Variants in RABGGTB observed in about 807,000 individuals in gnomAD.
The protein encoded by RABGGTB is geranylgeranyl transferase type-2 subunit beta.
RABGGTB carries 20 observed loss-of-function variants against 44.5 expected under a neutral mutation model. The ratio of observed to expected loss-of-function variants is 0.45; its 90% CI spans 0.32 to 0.65. The LOEUF (loss-of-function observed/expected upper bound fraction) is 0.65, where lower values mean the gene tolerates loss of function less well. Among genes scored for constraint, RABGGTB ranks in the 30% least tolerant of loss-of-function variants. The pLI is 0.05. For synonymous variants in RABGGTB, 128 were observed against 136.7 expected, an observed-to-expected ratio of 0.94 and a Z score of 0.44; for missense variants, 302 against 398.7, an observed-to-expected ratio of 0.76 and a Z score of 2.06.
intron 7 of RABGGTB, among the ~76,000 whole-genome samples, chr1:75,793,142 A>T (rs1484433547): frequency 6.6e-6 from 1 of 150,932 alleles, no homozygotes; most frequent in Non-Finnish European, 1.5e-5. Context: ...TTATAAATGT[A>T]AAAACTATTC....
chr1:75,791,287 GA>G lies in RABGGTB; in HGVS notation c.421del (p.Ile141LeufsTer35). ...GATTTGATCTATTTTTATTGTAGGA[GA>G]AATTGACACAAGATTCTCTTTTTGT... ...DGSFAGDIWG[E>X]IDTRFSFCAV... On this transcript the variant is annotated frameshift_variant, in exon 5 of 9. Transcript: ENST00000319942. LOFTEE classifies it high-confidence loss of function. The G allele has an allele frequency of 6.2e-7, 1 of 1,608,548 alleles. No individual in the cohort carries two copies. The highest frequency in any genetic ancestry group is 8.5e-7 in the Non-Finnish European group (1 of 1,174,992).
At chr1:75,787,458 G>C in intron 1 of RABGGTB, 39 bp from the exon 2 acceptor site, 2 of 1,434,212 alleles carry the variant, frequency 1.4e-6, no homozygotes, top group South Asian at 2.3e-5. Flanking sequence ...GAACGTTGTA[G>C]AGGTAAACAT....
At chr1:75,786,641 G>A (rs1649495945) in intron 1 of RABGGTB, 1 of 290,374 alleles carries the variant, frequency 3.4e-6, no homozygotes, top group African/African-American at 2.2e-5. Context: ...GATTTTTAAT[G>A]GGATCAGAAG....
intron 1 of RABGGTB, chr1:75,787,192 T>C (rs368886953): frequency 5.0e-6 from 3 of 605,266 alleles, no homozygotes; most frequent in Non-Finnish European, 9.3e-6. Context: ...CTGAATGATT[T>C]AAGTTCTTTT....
chr1:75,792,422 T>C (rs1438959270), intron 7 of RABGGTB, 116 bp downstream of exon 7: 2 of 1,405,926 alleles, frequency 1.4e-6, no homozygotes, highest in Non-Finnish European at 1.9e-6. Flanking sequence ...TACCTTTCCC[T>C]GTTGTGAATT....
rs1291622575 is a variant in RABGGTB at position 75,789,001 on chromosome 1, T to C, written c.112-158T>C. 73 of 622,064 alleles carry C rather than the reference T, an allele frequency of 1.2e-4. No homozygotes were observed. In the South Asian group the frequency reaches 1.5e-3, roughly 13 times the overall value. 38.5% of individuals were successfully genotyped at this position (622,064 alleles called of 1,614,324 possible). A position where few individuals can be genotyped will look rare whatever the true frequency, so the allele number is the denominator to read the frequency against. On this transcript the variant is annotated intron_variant, in intron 2 of 8. Coordinates refer to ENST00000319942, the MANE Select transcript of RABGGTB (RefSeq NM_004582.4). The stretch of plus-strand genomic sequence containing the variant: ...TTGTGTCTGAAGATGGCTTCTAACA[T>C]TGAGCAGCACAGATTTTAAACTCAC...
chr1:75,789,208 T>C lies in RABGGTB; in HGVS notation c.161T>C (p.Leu54Pro), dbSNP rs751553941. ...YLRMSGIYWGLTVMDLMGQLH... is the reference protein window; with the variant it reads ...YLRMSGIYWGPTVMDLMGQLH... ...AGAATGAGTGGCATCTATTGGGGTC[T>C]GACAGTAATGGATCTCATGGGACAA... Residue 54 changes from leucine to proline, a missense_variant, in exon 3 of 9, where the codon CTG becomes CCG. Physicochemically the swap from Leu to Pro is moderately conservative, Grantham distance 98. Transcript: ENST00000319942. 1.9e-6 allele frequency: 3 copies of C among 1,614,106 alleles called. No individual in the cohort carries two copies. The South Asian group carries it at 3.3e-5, about 18-fold the overall frequency.
In RABGGTB at chr1:75,794,849, T is replaced by TA. The variant is rs1237808071; in HGVS notation, c.*200dup. Reference sequence around the variant, plus strand: ...TCTGCTTTTTATTCTGAAGTCCTGTTATTCTGACTACAGTTCTTTGTGTAT... The same window carrying TA: ...TCTGCTTTTTATTCTGAAGTCCTGTTAATTCTGACTACAGTTCTTTGTGTAT... On this transcript the variant is annotated 3_prime_UTR_variant, in exon 9 of 9. Transcript: ENST00000319942. 1.5e-5 allele frequency: 4 copies of TA among 263,638 alleles called. No individual in the cohort carries two copies. Among genetic ancestry groups the TA allele is most frequent in the African/African-American group, 9.0e-5 (4 of 44,406 alleles). The allele number at this position is 263,638 out of a possible 1,614,324, so 16.3% of individuals were successfully genotyped here.
In RABGGTB at chr1:75,789,207, C is replaced by T. The variant is rs1288311937; in HGVS notation, c.160C>T (p.Leu54=). 1.9e-6 allele frequency: 3 copies of T among 1,613,884 alleles called. No homozygotes were observed. The highest frequency in any genetic ancestry group is 2.7e-5 in the African/African-American group (2 of 74,892). Residue 54 remains leucine, a synonymous_variant, in exon 3 of 9, where the codon CTG becomes TTG. Transcript: ENST00000319942. ...YLRMSGIYWG[L]TVMDLMGQLH... Reference sequence around the variant, plus strand: ...GAGAATGAGTGGCATCTATTGGGGTCTGACAGTAATGGATCTCATGGGACA... The same window carrying T: ...GAGAATGAGTGGCATCTATTGGGGTTTGACAGTAATGGATCTCATGGGACA...
intron 5 of RABGGTB, 47 bp from the exon 6 acceptor site, chr1:75,791,414 T>C (rs1000794329): frequency 1.9e-6 from 3 of 1,567,306 alleles, no homozygotes; most frequent in Non-Finnish European, 2.6e-6. Context: ...GAGTCTGATC[T>C]GCTGAATACT....
chr1:75,786,251 T>C (rs370414716), upstream of RABGGTB: 30 of 1,614,008 alleles, frequency 1.9e-5, no homozygotes, highest in African/African-American at 1.9e-4. Flanking sequence ...CTGACCCTGC[T>C]CTCTCCTTTC....
chr1:75,786,827 T>C, intron 1 of RABGGTB: 1 of 321,012 alleles, frequency 3.1e-6, no homozygotes, highest in South Asian at 2.5e-5. Flanking sequence ...AGGAACTGCT[T>C]ATTTAATACA....
chr1:75,794,491 T>C lies in RABGGTB; in HGVS notation c.856-19T>C. 1.2e-6 allele frequency: 2 copies of C among 1,602,758 alleles called. No homozygotes were observed. Among genetic ancestry groups the C allele is most frequent in the South Asian group, 2.2e-5 (2 of 89,152 alleles). The stretch of plus-strand genomic sequence containing the variant: ...AAGTTTTCATTTTGTGATCTGTATA[T>C]AAATTCTTTTTTAAATAGGTGGATC... On this transcript the variant is annotated intron_variant, in intron 8 of 8. Transcript: ENST00000319942.
chr1:75,791,769 G>A (rs183321942), intron 6 of RABGGTB, 198 bp downstream of exon 6: 4 of 537,018 alleles, frequency 7.4e-6, no homozygotes, highest in East Asian at 3.1e-5. Flanking sequence ...CGGTGGATTC[G>A]TCTGACCTAA....
At chr1:75,787,647 G>A (rs1354671121) in intron 2 of RABGGTB, 43 bp downstream of exon 2, 8 of 1,466,722 alleles carry the variant, frequency 5.5e-6, no homozygotes, top group African/African-American at 2.8e-5. Context: ...TTTTAAAGAA[G>A]TGTGACAGTC....
At chr1:75,786,932 T>C (rs1255344516) in intron 1 of RABGGTB, 2 of 359,696 alleles carry the variant, frequency 5.6e-6, no homozygotes, top group Non-Finnish European at 1.1e-5. Flanking sequence ...ATTTTTTTAT[T>C]TTTTAAAAAT....
intron 1 of RABGGTB, chr1:75,786,941 A>G (rs1649503557): frequency 2.8e-6 from 1 of 363,366 alleles, no homozygotes; most frequent in Non-Finnish European, 5.3e-6. Flanking sequence ...TTTTTTAAAA[A>G]TATGCTTTCT....
At chr1:75,786,610 AGTG>A in intron 1 of RABGGTB, 1 of 344,112 alleles carries the variant, frequency 2.9e-6, no homozygotes, top group South Asian at 3.8e-5. Context: ...TAAAATCGTT[AGTG>A]ATGTGGTCTC....
chr1:75,793,711 T>C (rs759405663), intron 7 of RABGGTB: 34 of 170,602 alleles, frequency 2.0e-4, no homozygotes, highest in Non-Finnish European at 3.5e-4. Flanking sequence ...TGGACAGTGC[T>C]TGTAGAAAAA....
Sources: gnomAD v4.1 joint callset for allele counts (sites outside exome capture counted in the v4.1 genomes callset) on GRCh38, gnomAD v4.1.1 for gene constraint, MANE v1.5 for transcripts, NCBI Gene and HGNC (gene_info 2026-07-23, HGNC 2026-07-21) for gene names.